SHANK2: variants seen among roughly 807,000 people sequenced by gnomAD.
SHANK2 encodes SH3 and multiple ankyrin repeat domains 2.
Under a neutral mutation model 133.7 loss-of-function variants are expected in SHANK2, and 43 were observed. The ratio of observed to expected loss-of-function variants is 0.32; its 90% CI spans 0.25 to 0.41. SHANK2 has a LOEUF of 0.41. SHANK2 is among the 10% of genes least tolerant of loss of function. SHANK2 has a pLI of 1.00. For synonymous variants in SHANK2, 1,017 were observed against 952.8 expected, an observed-to-expected ratio of 1.07 and a Z score of -1.24; for missense variants, 1,994 against 2,235.8, an observed-to-expected ratio of 0.89 and a Z score of 2.18.
At chr11:70,618,740 A>G (rs2060790624) in intron 17 of SHANK2, among the ~76,000 whole-genome samples, 1 of 152,198 alleles carries the variant, frequency 6.6e-6, no homozygotes, top group South Asian at 2.1e-4. Flanking sequence ...TACCCTCATC[A>G]CGCTATGCTG....
intron 17 of SHANK2, among the ~76,000 whole-genome samples, chr11:70,516,238 T>G (rs1412662665): frequency 6.6e-6 from 1 of 152,166 alleles, no homozygotes; most frequent in African/African-American, 2.4e-5. Context: ...ACTATACAGC[T>G]ACAGTAATCA....
intron 14 of SHANK2, among the ~76,000 whole-genome samples, chr11:70,745,932 C>T (rs534535897): frequency 6.6e-5 from 10 of 152,230 alleles, no homozygotes; most frequent in Non-Finnish European, 1.2e-4. Flanking sequence ...AAAAAGGCCT[C>T]GGATGTGAAA....
intron 15 of SHANK2, among the ~76,000 whole-genome samples, chr11:70,675,279 C>T (rs184310125): frequency 1.6e-4 from 24 of 152,304 alleles, no homozygotes; most frequent in Admixed American, 3.3e-4. Flanking sequence ...TATTATGCTA[C>T]GGCCTTTGAG....
intron 2 of SHANK2, among the ~76,000 whole-genome samples, chr11:71,148,594 G>A (rs1476903626): frequency 6.6e-6 from 1 of 152,184 alleles, no homozygotes; most frequent in African/African-American, 2.4e-5. Context: ...GGGGAAGGAC[G>A]AGGCCACGTG....
intron 17 of SHANK2, among the ~76,000 whole-genome samples, chr11:70,640,029 A>T (rs1179960218): frequency 6.6e-6 from 1 of 152,242 alleles, no homozygotes; most frequent in Non-Finnish European, 1.5e-5. Context: ...TGGAGGCTGC[A>T]GAACGTGCAG....
chr11:71,194,673 T>C (rs888619300), intron 2 of SHANK2, among the ~76,000 whole-genome samples: 26 of 152,186 alleles, frequency 1.7e-4, no homozygotes, highest in African/African-American at 6.3e-4. Context: ...TTAAAATGTC[T>C]AAAGACCACA....
rs1000894080 is a variant in SHANK2 at position 71,204,176 on chromosome 11, G to T, written c.-13+20521C>A. The stretch of plus-strand genomic sequence containing the variant: ...TGCAGGCCAGGGGTGGGGAAACTGA[G>T]GTCTGGCTGGATTTACAAGAACATA... On this transcript the variant is annotated intron_variant, in intron 2 of 25. Transcript: ENST00000601538. Among the ~76,000 whole-genome samples, 37 of 152,150 alleles carry T rather than the reference G, an allele frequency of 2.4e-4. 1 individual carries two copies. Among genetic ancestry groups the T allele is most frequent in the Admixed American group, 2.3e-3 (35 of 15,286 alleles).
At chr11:70,706,988 A>T (rs1391619378) in intron 14 of SHANK2, among the ~76,000 whole-genome samples, 1 of 152,102 alleles carries the variant, frequency 6.6e-6, no homozygotes, top group Non-Finnish European at 1.5e-5. Context: ...AAATAAGAGG[A>T]TTTTTCTCAA....
intron 2 of SHANK2, among the ~76,000 whole-genome samples, chr11:71,150,831 T>C (rs190707900): frequency 1.4e-3 from 219 of 152,166 alleles, no homozygotes; most frequent in South Asian, 6.4e-3. Flanking sequence ...AAGGCACAGA[T>C]GACAGCACGA....
intron 8 of SHANK2, among the ~76,000 whole-genome samples, chr11:71,089,245 G>A (rs1489422687): frequency 9.9e-5 from 15 of 152,142 alleles, no homozygotes; most frequent in Non-Finnish European, 2.2e-4. Context: ...GACGGGCTTG[G>A]CCTCAAAAAC....
chr11:70,475,747 T>C (rs1555149977), intron 25 of SHANK2, among the ~76,000 whole-genome samples: 3 of 152,198 alleles, frequency 2.0e-5, no homozygotes, highest in Admixed American at 2.0e-4. Context: ...ACGTGCTATT[T>C]TCCAGAGGGC....
At chr11:70,744,590 G>A (rs782596985) in intron 14 of SHANK2, among the ~76,000 whole-genome samples, 9 of 152,202 alleles carry the variant, frequency 5.9e-5, no homozygotes, top group Non-Finnish European at 1.3e-4. Context: ...AGCAGCTCCA[G>A]TGGTCCTGGC....
At chr11:70,921,158 T>C (rs1950345379) in intron 10 of SHANK2, among the ~76,000 whole-genome samples, 1 of 152,148 alleles carries the variant, frequency 6.6e-6, no homozygotes, top group African/African-American at 2.4e-5. Context: ...ATGAAGTAGC[T>C]AGAGGCAGAT....
chr11:70,834,458 T>A lies in SHANK2; in HGVS notation c.1175-13776A>T, dbSNP rs574443530. 3.3e-5 allele frequency among the ~76,000 whole-genome samples: 5 copies of A among 152,154 alleles called. No homozygotes were observed. In the East Asian group the frequency reaches 9.7e-4, roughly 29 times the overall value. On this transcript the variant is annotated intron_variant, in intron 11 of 25. Coordinates refer to ENST00000601538, the MANE Select transcript of SHANK2 (RefSeq NM_012309.5). Reference sequence around the variant, plus strand: ...AAACAAAGACTGAATGCTGAGAAAGTATGTATGCAAGAGCCTCAGCCAGCG... The same window carrying A: ...AAACAAAGACTGAATGCTGAGAAAGAATGTATGCAAGAGCCTCAGCCAGCG...
chr11:71,210,811 G>A (rs1051219587), intron 2 of SHANK2, among the ~76,000 whole-genome samples: 1 of 152,104 alleles, frequency 6.6e-6, no homozygotes, highest in Non-Finnish European at 1.5e-5. Context: ...CACTCTCCCT[G>A]CTCCAAGAAT....
intron 17 of SHANK2, among the ~76,000 whole-genome samples, chr11:70,553,266 T>A (rs1282147127): frequency 7.2e-5 from 11 of 152,110 alleles, no homozygotes; most frequent in Admixed American, 6.5e-4. Context: ...ATTTTTTTTG[T>A]AATTTTAGTA....
chr11:70,733,909 C>G (rs1016909321), intron 14 of SHANK2, among the ~76,000 whole-genome samples: 5 of 152,172 alleles, frequency 3.3e-5, no homozygotes, highest in Non-Finnish European at 7.4e-5. Flanking sequence ...CTTGCTACCC[C>G]TGGGTGCCTT....
At chr11:70,853,442 G>A (rs1316257763) in intron 11 of SHANK2, among the ~76,000 whole-genome samples, 14 of 152,182 alleles carry the variant, frequency 9.2e-5, no homozygotes, top group African/African-American at 3.4e-4. Context: ...ACCGAGAGAG[G>A]TTTGAAGCGG....
intron 10 of SHANK2, among the ~76,000 whole-genome samples, chr11:70,921,540 A>G (rs1166780242): frequency 6.6e-6 from 1 of 152,260 alleles, no homozygotes; most frequent in Non-Finnish European, 1.5e-5. Context: ...TTTTCCTTTC[A>G]ATATTTGCCG....
Sources: gnomAD v4.1 joint callset for allele counts (sites outside exome capture counted in the v4.1 genomes callset) on GRCh38, gnomAD v4.1.1 for gene constraint, MANE v1.5 for transcripts, NCBI Gene and HGNC (gene_info 2026-07-23, HGNC 2026-07-21) for gene names.